CSMD1: variants seen among roughly 807,000 people sequenced by gnomAD.
The protein encoded by CSMD1 is CUB and sushi domain-containing protein 1.
A neutral mutation model predicts 417.5 loss-of-function variants in CSMD1; 213 were observed. The ratio of observed to expected loss-of-function variants is 0.51; its 90% CI spans 0.46 to 0.57. The LOEUF (loss-of-function observed/expected upper bound fraction) is 0.57, where lower values mean the gene tolerates loss of function less well. CSMD1 is among the 20% of genes least tolerant of loss of function. The pLI, the probability that CSMD1 is intolerant of heterozygous loss-of-function variation, is 0.00. For synonymous variants in CSMD1, 2,862 were observed against 1,736.8 expected, an observed-to-expected ratio of 1.65 and a Z score of -16.11; for missense variants, 6,923 against 4,529.7, an observed-to-expected ratio of 1.53 and a Z score of -15.17.
chr8:4,191,175 T>C (rs568033579), intron 3 of CSMD1, among the ~76,000 whole-genome samples: 37 of 152,176 alleles, frequency 2.4e-4, no homozygotes, highest in Admixed American at 7.8e-4. Flanking sequence ...GGCAGGTGGA[T>C]CACGACGTCA....
intron 10 of CSMD1, among the ~76,000 whole-genome samples, chr8:3,509,961 T>C (rs974259124): frequency 2.0e-5 from 3 of 152,208 alleles, no homozygotes; most frequent in Non-Finnish European, 4.4e-5. Context: ...TGCAGTTTCT[T>C]ACTTGGTAAG....
intron 3 of CSMD1, among the ~76,000 whole-genome samples, chr8:4,164,105 G>T (rs116590233): frequency 1.6e-5 from 2 of 127,616 alleles, no homozygotes; most frequent in Non-Finnish European, 3.4e-5. Flanking sequence ...TGTTTTTAAA[G>T]AATACTTTTA....
chr8:4,316,348 G>C (rs750648359), intron 3 of CSMD1, among the ~76,000 whole-genome samples: 1 of 152,048 alleles, frequency 6.6e-6, no homozygotes, highest in Non-Finnish European at 1.5e-5. Context: ...CGGTTTCTTA[G>C]GTTATGGTCT....
intron 8 of CSMD1, among the ~76,000 whole-genome samples, chr8:3,599,778 C>T (rs1378052293): frequency 2.6e-5 from 4 of 152,212 alleles, no homozygotes; most frequent in Non-Finnish European, 5.9e-5. Context: ...TCCCGCTTGG[C>T]ATGGGCAACT....
chr8:4,259,991 A>G (rs115110847), intron 3 of CSMD1, among the ~76,000 whole-genome samples: 109 of 151,334 alleles, frequency 7.2e-4, no homozygotes, highest in African/African-American at 2.4e-3. Context: ...ACAGACCTAT[A>G]AAGCACATCA....
intron 3 of CSMD1, among the ~76,000 whole-genome samples, chr8:4,117,297 C>G (rs1451026296): frequency 2.0e-4 from 30 of 151,534 alleles, no homozygotes; most frequent in African/African-American, 7.2e-4. Context: ...GCGTGGCTGG[C>G]TGGTGGGATC....
rs556351297 is a variant in CSMD1, at chr8:4,399,792, T to A, written c.415+20161A>T. 1.1e-4 allele frequency among the ~76,000 whole-genome samples: 16 copies of A among 152,344 alleles called. No individual in the cohort carries two copies. In the East Asian group the frequency reaches 3.1e-3, roughly 29 times the overall value. Reference sequence around the variant, plus strand: ...CTCATGTGAGTCTATTTCTAAAAGATGCATCTGCTTTTAGGAAGCTATTAA... The same window carrying A: ...CTCATGTGAGTCTATTTCTAAAAGAAGCATCTGCTTTTAGGAAGCTATTAA... On this transcript the variant is annotated intron_variant, in intron 3 of 69. Transcript: ENST00000635120.
intron 23 of CSMD1, among the ~76,000 whole-genome samples, chr8:3,339,208 G>C (rs1273479139): frequency 6.6e-6 from 1 of 151,838 alleles, no homozygotes; most frequent in African/African-American, 2.4e-5. Context: ...GTGTATATGT[G>C]CCACATTTTC....
intron 3 of CSMD1, among the ~76,000 whole-genome samples, chr8:4,118,463 T>C (rs1300940437): frequency 2.4e-5 from 3 of 123,550 alleles, no homozygotes; most frequent in Admixed American, 9.1e-5. Flanking sequence ...AAAGAAGACA[T>C]TTATGCAGCC....
At chr8:3,839,844 A>G (rs572436538) in intron 5 of CSMD1, among the ~76,000 whole-genome samples, 2 of 151,910 alleles carry the variant, frequency 1.3e-5, no homozygotes, top group Non-Finnish European at 2.9e-5. Flanking sequence ...AGGGAACATT[A>G]TGGCCTCTTC....
chr8:4,544,935 T>C (rs1364470113), intron 2 of CSMD1, among the ~76,000 whole-genome samples: 1 of 152,228 alleles, frequency 6.6e-6, no homozygotes, highest in South Asian at 2.1e-4. Flanking sequence ...AGAAATATAT[T>C]TGAGAAGTTT....
intron 3 of CSMD1, among the ~76,000 whole-genome samples, chr8:4,076,241 C>A (rs138637979): frequency 1.3e-5 from 2 of 152,284 alleles, no homozygotes; most frequent in African/African-American, 4.8e-5. Flanking sequence ...TTTCTTGGCA[C>A]TTCTCTCTCC....
intron 14 of CSMD1, 116 bp from the exon 15 acceptor site, chr8:3,406,337 T>C (rs1434150806): frequency 1.3e-6 from 1 of 771,740 alleles, no homozygotes; most frequent in Non-Finnish European, 1.9e-6. Flanking sequence ...TATATAATTA[T>C]ATAAATTTCA....
intron 2 of CSMD1, among the ~76,000 whole-genome samples, chr8:4,447,015 G>A (rs186077612): frequency 6.6e-6 from 1 of 152,104 alleles, no homozygotes; most frequent in East Asian, 1.9e-4. Flanking sequence ...TGCATGGAAG[G>A]GATTGTGGAG....
At chr8:4,751,844 C>G (rs182312833) in intron 1 of CSMD1, among the ~76,000 whole-genome samples, 1 of 152,082 alleles carries the variant, frequency 6.6e-6, no homozygotes, top group Non-Finnish European at 1.5e-5. Context: ...GTTCTCTGTC[C>G]GAAAATAGTG....
chr8:4,168,713 A>G (rs539686164), intron 3 of CSMD1, among the ~76,000 whole-genome samples: 3 of 152,266 alleles, frequency 2.0e-5, no homozygotes, highest in African/African-American at 7.2e-5. Flanking sequence ...AAAACACAAA[A>G]AAAGAACCCA....
chr8:4,793,634 T>A (rs1797813830), intron 1 of CSMD1, among the ~76,000 whole-genome samples: 1 of 152,040 alleles, frequency 6.6e-6, no homozygotes, highest in Admixed American at 6.6e-5. Flanking sequence ...AATACAGCAC[T>A]AATTATTGCT....
intron 3 of CSMD1, among the ~76,000 whole-genome samples, chr8:4,272,224 T>C (rs1219688831): frequency 1.3e-5 from 2 of 152,208 alleles, no homozygotes; most frequent in African/African-American, 4.8e-5. Context: ...GGCTTAGTAC[T>C]ATAGTACTTT....
At chr8:3,829,993 G>C (rs1440662488) in intron 5 of CSMD1, among the ~76,000 whole-genome samples, 1 of 152,006 alleles carries the variant, frequency 6.6e-6, no homozygotes, top group African/African-American at 2.4e-5. Flanking sequence ...TTATACATTT[G>C]TTTTCCTTTG....
Sources: gnomAD v4.1 joint callset for allele counts (sites outside exome capture counted in the v4.1 genomes callset) on GRCh38, gnomAD v4.1.1 for gene constraint, MANE v1.5 for transcripts, NCBI Gene and HGNC (gene_info 2026-07-23, HGNC 2026-07-21) for gene names.